Variants in CACNA1A observed in about 807,000 individuals in gnomAD.
CACNA1A encodes the protein calcium voltage-gated channel subunit alpha1 A, also known as voltage-dependent P/Q-type calcium channel subunit alpha-1A.
In CACNA1A, 57 loss-of-function variants were observed where a neutral mutation model predicts 262.4. The observed-to-expected ratio is 0.22, with a 90% CI of 0.18 to 0.27. The LOEUF is 0.27. Ranked by LOEUF, CACNA1A falls within the 10% of genes least tolerant of loss-of-function variation. CACNA1A has a pLI of 1.00. For missense variants in CACNA1A, 2,526 were observed against 3,562.8 expected (o/e 0.71, Z 7.41); for synonymous variants, 1,431 against 1,419.3 (o/e 1.01, Z -0.18).
At chr19:13,345,874 T>G (rs918291052) in intron 6 of CACNA1A, among the ~76,000 whole-genome samples, 1 of 150,370 alleles carries the variant, frequency 6.7e-6, no homozygotes, top group Non-Finnish European at 1.5e-5. Flanking sequence ...ATAAATTATA[T>G]AGGCTGTCTG....
chr19:13,380,292 A>G (rs2059496021), intron 3 of CACNA1A, among the ~76,000 whole-genome samples: 1 of 121,408 alleles, frequency 8.2e-6, no homozygotes, highest in African/African-American at 3.2e-5. Context: ...CAAAAAAAAA[A>G]AAAAAAAAAA....
chr19:13,241,593 A>AT lies in CACNA1A; in HGVS notation c.4950+3588dup. ...GGGCAGTTGGGGAGGCGTGTTCAGC[A>AT]TTTTTTAGGTTGATTTGTAACCAGT... On this transcript the variant is annotated intron_variant, in intron 31 of 46. Coordinates refer to ENST00000360228, the MANE Select transcript of CACNA1A (RefSeq NM_001127222.2). This position sits in a 1 kb window ranked among gnomAD's most constrained non-coding sequence, Gnocchi z 4.0. 2 of 936,558 alleles carry AT rather than the reference A, an allele frequency of 2.1e-6. No individual in the cohort carries two copies. Among genetic ancestry groups the AT allele is most frequent in the Admixed American group, 2.1e-5 (1 of 48,392 alleles). The allele number at this position is 936,558 out of a possible 1,614,324, so 58.0% of individuals were successfully genotyped here. A position where few individuals can be genotyped will look rare whatever the true frequency, so the allele number is the denominator to read the frequency against.
At chr19:13,494,709 A>G (rs1212828815) in intron 1 of CACNA1A, among the ~76,000 whole-genome samples, 1 of 152,210 alleles carries the variant, frequency 6.6e-6, no homozygotes, top group Non-Finnish European at 1.5e-5. Context: ...CTTACAAATC[A>G]TGGCAGAAGG....
chr19:13,255,708 CCTCCCTCCCTCCTTCT>C (rs2056534088), intron 28 of CACNA1A, among the ~76,000 whole-genome samples: 24 of 111,384 alleles, frequency 2.2e-4, no homozygotes, highest in African/African-American at 6.7e-4. Context: ...TCCTTCCTTC[CCTCCCTCCCTCCTTCT>C]CTCCCTCCCT....
At chr19:13,350,199 C>T (rs953626282) in intron 6 of CACNA1A, among the ~76,000 whole-genome samples, 1 of 152,294 alleles carries the variant, frequency 6.6e-6, no homozygotes, top group Admixed American at 6.5e-5. Context: ...CTCTGAGAGG[C>T]CTGGCCTCCT....
intron 3 of CACNA1A, among the ~76,000 whole-genome samples, chr19:13,425,386 C>A (rs1363696447): frequency 6.6e-6 from 1 of 152,094 alleles, no homozygotes; most frequent in Non-Finnish European, 1.5e-5. Flanking sequence ...AGGGGTGGGG[C>A]AAAGTCCAGG....
chr19:13,472,921 T>C (rs1178632988), intron 1 of CACNA1A, among the ~76,000 whole-genome samples: 1 of 152,134 alleles, frequency 6.6e-6, no homozygotes, highest in Non-Finnish European at 1.5e-5. Context: ...TCCTGGATTA[T>C]CTGACGGGCT....
At chr19:13,292,941 T>C (rs898646947) in intron 19 of CACNA1A, among the ~76,000 whole-genome samples, 4 of 151,960 alleles carry the variant, frequency 2.6e-5, no homozygotes, top group African/African-American at 7.3e-5. Flanking sequence ...CCCGGCCAGA[T>C]TGTTTGATGT....
chr19:13,478,739 T>C (rs933317745), intron 1 of CACNA1A, among the ~76,000 whole-genome samples: 1 of 152,238 alleles, frequency 6.6e-6, no homozygotes, highest in Non-Finnish European at 1.5e-5. Context: ...GGTAAATGGA[T>C]AAACAAACTG....
At position 13,286,878 on chromosome 19, in the gene CACNA1A, G is replaced by A. The variant is rs969592968; in HGVS notation, c.3178C>T (p.Pro1060Ser). 7 of 1,613,700 alleles carry A rather than the reference G, an allele frequency of 4.3e-6. No homozygotes were observed. The Admixed American group carries it at 8.3e-5, about 19-fold the overall frequency. Residue 1060 changes from proline (P) to serine (S), a missense_variant, in exon 20 of 47, where the codon CCC (proline) becomes TCC (serine). Around this residue, in one of 17 missense-constraint regions of CACNA1A, gnomAD observed 765 missense variants for 748.6 expected, o/e 1.02. Coordinates refer to ENST00000360228, the MANE Select transcript of CACNA1A (RefSeq NM_001127222.2). Reference protein sequence around the residue: ...IQQDLGRQDPPLAEDIDNMKN... With the variant: ...IQQDLGRQDPSLAEDIDNMKN... ...ATGTTGTCAATATCCTCTGCCAGGG[G>A]TGGGTCTTGGCGGCCCAGGTCCTGC...
chr19:13,397,215 G>A (rs1568605949), intron 3 of CACNA1A, among the ~76,000 whole-genome samples: 1 of 152,150 alleles, frequency 6.6e-6, no homozygotes, highest in Non-Finnish European at 1.5e-5. Context: ...GGAGAAGCAG[G>A]ATTTGATTCT....
rs752452147 is a variant in CACNA1A, at chr19:13,505,933, G to A, written c.292C>T (p.Pro98Ser). 3.1e-6 allele frequency: 5 copies of A among 1,612,314 alleles called. No individual in the cohort carries two copies. The highest frequency in any genetic ancestry group is 1.1e-5 in the South Asian group (1 of 90,672). ...GCTGGGGTTCGGGCAAAAGGATATG[G>A]CCATTCGGTGATCTTTTTGGCGTAT... is the stretch of plus-strand genomic sequence containing the variant. ...RKYAKKITEW[P>S]PFEYMILATI... Residue 98 changes from proline (P) to serine (S), a missense_variant and splice_region_variant, in exon 1 of 47, where the codon CCT becomes TCT. By Grantham distance (74) the Pro-to-Ser change is moderately conservative (BLOSUM62 -1). This residue lies in a region of CACNA1A where 77 missense variants were observed against 228.4 expected (regional missense o/e 0.34). Transcript: ENST00000360228.
intron 1 of CACNA1A, among the ~76,000 whole-genome samples, chr19:13,498,951 T>A (rs1318315177): frequency 6.6e-6 from 1 of 151,972 alleles, no homozygotes. Context: ...GGCCCAGTGG[T>A]TTTTGAAACC....
intron 6 of CACNA1A, among the ~76,000 whole-genome samples, chr19:13,355,106 C>T (rs1017109214): frequency 3.3e-5 from 5 of 152,092 alleles, no homozygotes; most frequent in Admixed American, 1.3e-4. Flanking sequence ...AAACTCCTGA[C>T]CTCAAGTGAT....
At chr19:13,424,531 T>C (rs759145565) in intron 3 of CACNA1A, among the ~76,000 whole-genome samples, 17 of 151,956 alleles carry the variant, frequency 1.1e-4, no homozygotes, top group Non-Finnish European at 2.4e-4. Flanking sequence ...AGTGGCATGA[T>C]CATAGATCAC....
intron 3 of CACNA1A, among the ~76,000 whole-genome samples, chr19:13,418,948 C>T (rs146724757): frequency 5.7e-4 from 86 of 152,192 alleles, no homozygotes; most frequent in African/African-American, 1.9e-3. Context: ...GGCTGGAGTG[C>T]AGTGGCATGA....
chr19:13,267,398 C>T (rs1600208943), intron 24 of CACNA1A, among the ~76,000 whole-genome samples: 1 of 152,322 alleles, frequency 6.6e-6, no homozygotes, highest in Non-Finnish European at 1.5e-5. Flanking sequence ...GTCCCCCGCC[C>T]TTGGCAGGCA....
At chr19:13,457,047 C>T (rs1436302506) in intron 1 of CACNA1A, among the ~76,000 whole-genome samples, 2 of 151,856 alleles carry the variant, frequency 1.3e-5, no homozygotes, top group Admixed American at 6.6e-5. Flanking sequence ...CACAGGAGTC[C>T]GAGACCAGCC....
At chr19:13,262,898 G>A (rs1179102843) in intron 24 of CACNA1A, 65 bp from the exon 25 acceptor site, 2 of 1,043,830 alleles carry the variant, frequency 1.9e-6, no homozygotes, top group Non-Finnish European at 2.9e-6. Flanking sequence ...TGGGTAGGGG[G>A]CAGCCCACAG....
Sources: gnomAD v4.1 joint callset for allele counts (sites outside exome capture counted in the v4.1 genomes callset) on GRCh38, gnomAD v4.1.1 for gene constraint, gnomAD v4.1.1 regional missense constraint, Gnocchi (gnomAD v3.1) non-coding constraint, MANE v1.5 for transcripts, NCBI Gene and HGNC (gene_info 2026-07-23, HGNC 2026-07-21) for gene names.